PRELID2: variants seen among roughly 807,000 people sequenced by gnomAD.
The protein encoded by PRELID2 is PRELI domain containing 2, also known as PRELI domain-containing protein 2.
In PRELID2, 25 loss-of-function variants were observed where a neutral mutation model predicts 28.4. The observed-to-expected ratio is 0.88, with a 90% CI of 0.64 to 1.23. PRELID2 has a LOEUF of 1.23. Ranked by LOEUF, PRELID2 falls within the 50% of genes most tolerant of loss-of-function variation. The probability of loss-of-function intolerance (pLI) is 0.00; values close to 1 mark genes in which losing one functional copy is unlikely to be tolerated. For synonymous variants in PRELID2, 76 were observed against 71.6 expected (o/e 1.06, Z -0.31); for missense variants, 201 against 214.4 (o/e 0.94, Z 0.39).
At chr5:145,487,535 A>C (rs13179505) in intron 1 of PRELID2, among the ~76,000 whole-genome samples, 1 of 151,880 alleles carries the variant, frequency 6.6e-6, no homozygotes, top group Admixed American at 6.6e-5. Flanking sequence ...AACTTGAGGA[A>C]GGGTTGGCTG....
At chr5:145,320,373 C>G in the PRELID2 span, among the ~76,000 whole-genome samples, 1 of 151,954 alleles carries the variant, frequency 6.6e-6, no homozygotes, top group African/African-American at 2.4e-5. Flanking sequence ...CCGCTTCACG[C>G]CATTCTCCTG....
At chr5:145,252,706 A>G in the PRELID2 span, among the ~76,000 whole-genome samples, 13,145 of 152,046 alleles carry the variant, frequency 0.086, 1,210 homozygotes, top group African/African-American at 0.24. Flanking sequence ...CAAGGAGGAG[A>G]GAGGAATTGG....
At chr5:145,646,088 G>A (rs1198731616) in intron 1 of PRELID2, among the ~76,000 whole-genome samples, 26 of 152,170 alleles carry the variant, frequency 1.7e-4, no homozygotes, top group Admixed American at 1.7e-3. Flanking sequence ...TGTCTTGCTA[G>A]GTTGGGGAAG....
At chr5:145,231,214 C>CTT in the PRELID2 span, among the ~76,000 whole-genome samples, 16 of 147,130 alleles carry the variant, frequency 1.1e-4, no homozygotes, top group African/African-American at 3.7e-4. Context: ...ATGATCCACT[C>CTT]TTTTTTTTTT....
At chr5:145,573,955 C>T (rs1396479713) in intron 1 of PRELID2, among the ~76,000 whole-genome samples, 1 of 152,154 alleles carries the variant, frequency 6.6e-6, no homozygotes, top group Non-Finnish European at 1.5e-5. Flanking sequence ...CCAGAGATGT[C>T]TTTTCTCCCT....
chr5:145,519,487 C>T (rs1047168879), intron 1 of PRELID2, among the ~76,000 whole-genome samples: 7 of 152,174 alleles, frequency 4.6e-5, no homozygotes, highest in African/African-American at 1.7e-4. Flanking sequence ...ACTTGGTTTT[C>T]CTCTGATAGT....
chr5:145,514,256 G>A (rs1752492587), intron 1 of PRELID2, among the ~76,000 whole-genome samples: 1 of 146,328 alleles, frequency 6.8e-6, no homozygotes, highest in South Asian at 2.2e-4. Context: ...CATTTCATGT[G>A]CACAGACACA....
At chr5:145,368,054 G>A in the PRELID2 span, among the ~76,000 whole-genome samples, 5 of 151,804 alleles carry the variant, frequency 3.3e-5, no homozygotes, top group Non-Finnish European at 5.9e-5. Context: ...TCTGTCATTC[G>A]GGGTTGTCGA....
chr5:145,772,900 A>G (rs915895927), intron 5 of PRELID2, among the ~76,000 whole-genome samples: 34 of 152,370 alleles, frequency 2.2e-4, no homozygotes, highest in African/African-American at 7.2e-4. Flanking sequence ...TGTTTTAAAG[A>G]CAATGTTTTT....
chr5:145,560,031 A>G (rs886762492), intron 1 of PRELID2, among the ~76,000 whole-genome samples: 2 of 152,190 alleles, frequency 1.3e-5, no homozygotes, highest in Non-Finnish European at 2.9e-5. Context: ...ACATGCTCAG[A>G]ACATTTACAT....
At chr5:145,515,696 A>G (rs116319644) in intron 1 of PRELID2, among the ~76,000 whole-genome samples, 1,671 of 152,270 alleles carry the variant, frequency 0.011, 28 homozygotes, top group African/African-American at 0.039. Context: ...AACAACAAAA[A>G]TTTCAGGCCA....
At chr5:145,580,981 A>G (rs1213440595) in intron 1 of PRELID2, among the ~76,000 whole-genome samples, 1 of 151,948 alleles carries the variant, frequency 6.6e-6, no homozygotes, top group African/African-American at 2.4e-5. Context: ...AGCCTTCTAT[A>G]ATCTGCATCC....
chr5:145,529,806 G>A (rs755400554), intron 1 of PRELID2, among the ~76,000 whole-genome samples: 1 of 152,168 alleles, frequency 6.6e-6, no homozygotes, highest in Non-Finnish European at 1.5e-5. Flanking sequence ...AGATATTTGA[G>A]CATAAGCCCT....
intron 1 of PRELID2, among the ~76,000 whole-genome samples, chr5:145,670,353 C>T (rs990066928): frequency 2.0e-5 from 3 of 152,022 alleles, no homozygotes; most frequent in African/African-American, 7.2e-5. Flanking sequence ...AGAATGGCAC[C>T]AAATCATTCA....
chr5:145,615,556 G>A (rs1268305894), intron 1 of PRELID2, among the ~76,000 whole-genome samples: 1 of 148,348 alleles, frequency 6.7e-6, no homozygotes, highest in African/African-American at 2.6e-5. Context: ...TCGATCTCCT[G>A]ACCTCGTGAT....
chr5:145,279,000 C>A, the PRELID2 span, among the ~76,000 whole-genome samples: 1 of 152,270 alleles, frequency 6.6e-6, no homozygotes. Context: ...ACACGGTAGG[C>A]AGTGCAGAGT....
At chr5:145,788,680 A>G (rs906038715) in intron 5 of PRELID2, among the ~76,000 whole-genome samples, 1 of 152,206 alleles carries the variant, frequency 6.6e-6, no homozygotes, top group African/African-American at 2.4e-5. Context: ...GGCAAGAGAA[A>G]GAAATAAAAG....
the PRELID2 span, among the ~76,000 whole-genome samples, chr5:145,416,149 T>G: frequency 6.6e-5 from 10 of 152,264 alleles, no homozygotes; most frequent in African/African-American, 1.9e-4. Flanking sequence ...TCTTGTAAAT[T>G]TGTTTGAGTT....
rs146656213 is a variant in PRELID2 at position 145,558,997 on chromosome 5, G to A, written n.71-85682C>T. 4.9e-4 allele frequency among the ~76,000 whole-genome samples: 75 copies of A among 152,334 alleles called. 1 individual carries two copies. In the East Asian group the frequency reaches 0.014, roughly 27 times the overall value. ...GGGCCGGGCACAGTGGCTCACGCCT[G>A]TAATCCCAGCATTTTGGGAGGCTGA... is the stretch of plus-strand genomic sequence containing the variant. On this transcript the variant is annotated intron_variant and non_coding_transcript_variant, in intron 1 of 2. Coordinates refer to the PRELID2 transcript ENST00000510259.
Sources: allele counts gnomAD v4.1 joint callset (sites outside exome capture counted in the v4.1 genomes callset), GRCh38; gene constraint gnomAD v4.1.1; transcripts MANE v1.5; gene names NCBI Gene and HGNC (gene_info 2026-07-23, HGNC 2026-07-21).